ZNF527: variants seen among roughly 807,000 people sequenced by gnomAD.
ZNF527 encodes zinc finger protein 527.
In ZNF527, 5 loss-of-function variants were observed where a neutral mutation model predicts 13.5. The ratio of observed to expected loss-of-function variants is 0.37; its 90% CI spans 0.19 to 0.78. The LOEUF is 0.78. Ranked by LOEUF, ZNF527 falls within the 30% of genes least tolerant of loss-of-function variation. ZNF527 has a pLI of 0.48. For synonymous variants in ZNF527, 209 were observed against 243.1 expected (o/e 0.86, Z 1.30); for missense variants, 628 against 726.4 (o/e 0.86, Z 1.56).
chr19:37,374,028 G>T (rs202224938), intron 1 of ZNF527, 130 bp from the exon 2 acceptor site: 1 of 646,236 alleles, frequency 1.5e-6, no homozygotes, highest in Non-Finnish European at 2.7e-6. Context: ...CCGCCACCCT[G>T]GCCAGATCTT....
chr19:37,372,926 C>G (rs145621225), intron 1 of ZNF527, among the ~76,000 whole-genome samples: 136 of 152,308 alleles, frequency 8.9e-4, no homozygotes, highest in African/African-American at 3.0e-3. Flanking sequence ...CCTGCCATCT[C>G]TAAAGATGCC....
intron 4 of ZNF527, chr19:37,384,762 A>G (rs2040683997): frequency 3.8e-6 from 2 of 526,882 alleles, no homozygotes; most frequent in Non-Finnish European, 6.8e-6. Context: ...GTTTTAATTT[A>G]CTAGTGATAT....
chr19:37,377,536 G>A (rs770274813), intron 2 of ZNF527, among the ~76,000 whole-genome samples: 6 of 152,166 alleles, frequency 3.9e-5, no homozygotes, highest in Non-Finnish European at 7.3e-5. Context: ...AGTACTTTGT[G>A]TCAACATGTT....
rs1400585695 is a variant in ZNF527 at position 37,380,439 on chromosome 19, CTG to C, written c.256+69_256+70del. 4 of 1,336,558 alleles carry C rather than the reference CTG, an allele frequency of 3.0e-6. No individual in the cohort carries two copies. In the East Asian group the frequency reaches 9.4e-5, roughly 31 times the overall value. 82.8% of individuals were successfully genotyped at this position (1,336,558 alleles called of 1,614,324 possible). The stretch of plus-strand genomic sequence containing the variant: ...ACTCAACCAAGTAGTAAGTAGGAAA[CTG>C]TTTTGAGCTTCAGGTGGGATGAGAA... On this transcript the variant is annotated intron_variant, in intron 4 of 4. Coordinates refer to ENST00000436120, the MANE Select transcript of ZNF527 (RefSeq NM_032453.2).
chr19:37,385,969 T>C (rs1379889287), intron 4 of ZNF527, among the ~76,000 whole-genome samples: 1 of 152,034 alleles, frequency 6.6e-6, no homozygotes, highest in Non-Finnish European at 1.5e-5. Context: ...TTGAGATGTA[T>C]AAGATAGTTC....
intron 3 of ZNF527, 195 bp downstream of exon 3, chr19:37,379,441 T>G (rs2040634146): frequency 6.9e-6 from 3 of 431,842 alleles, no homozygotes; most frequent in Admixed American, 4.1e-5. Flanking sequence ...GCAGACATTC[T>G]GAACACATGA....
At chr19:37,377,609 A>G (rs763082327) in intron 2 of ZNF527, among the ~76,000 whole-genome samples, 3 of 152,194 alleles carry the variant, frequency 2.0e-5, no homozygotes, top group Non-Finnish European at 4.4e-5. Flanking sequence ...TTATCAGGAC[A>G]TAGAGAAACT....
Position 37,379,146 on chromosome 19 carries a change from G to A in ZNF527, c.60G>A (p.Ala20=), listed in dbSNP as rs751897425. ...SQGLVTFRDV[A]LDFSQEEWEW... ...GGTTGGTGACCTTCAGAGATGTGGC[G>A]CTAGACTTTTCCCAAGAAGAGTGGG... The change falls in exon 3 of 5, where the codon GCG becomes GCA. Residue 20 remains alanine, a synonymous_variant. Coordinates refer to ENST00000436120, the MANE Select transcript of ZNF527 (RefSeq NM_032453.2). 32 of 1,613,886 alleles carry A rather than the reference G, an allele frequency of 2.0e-5. No individual in the cohort carries two copies. The highest frequency in any genetic ancestry group is 4.5e-5 in the East Asian group (2 of 44,868).
intron 4 of ZNF527, chr19:37,385,014 C>T (rs1241349008): frequency 4.3e-6 from 3 of 699,032 alleles, no homozygotes; most frequent in Admixed American, 2.0e-5. Context: ...CTTGTAGAGA[C>T]GAGGTCTCAC....
At chr19:37,382,227 GA>G (rs2040659448) in intron 4 of ZNF527, among the ~76,000 whole-genome samples, 1 of 151,982 alleles carries the variant, frequency 6.6e-6, no homozygotes, top group Non-Finnish European at 1.5e-5. Context: ...AGGCTACTGG[GA>G]TATCACTCTT....
chr19:37,375,286 C>CT (rs773566095), intron 2 of ZNF527, among the ~76,000 whole-genome samples: 32 of 122,678 alleles, frequency 2.6e-4, no homozygotes, highest in South Asian at 2.7e-4. Flanking sequence ...TTCTTTCTTT[C>CT]TTTCTTTCTT....
chr19:37,388,090 T>C (rs532365222), intron 4 of ZNF527, among the ~76,000 whole-genome samples: 1 of 152,334 alleles, frequency 6.6e-6, no homozygotes, highest in South Asian at 2.1e-4. Flanking sequence ...ACCACCTCCC[T>C]ATCGTCAACA....
In ZNF527 at chr19:37,374,173, C is replaced by G; in HGVS notation, c.-26C>G. The G allele has an allele frequency of 6.2e-7, 1 of 1,612,508 alleles. No individual in the cohort carries two copies. The highest frequency in any genetic ancestry group is 8.5e-7 in the Non-Finnish European group (1 of 1,178,652). ...CCCTTCTCAGGACTTTGTTCTTCTTCAGAAGAGAAAACTGAAGAAGGAGGA... is the reference window on the plus strand; with the variant it reads ...CCCTTCTCAGGACTTTGTTCTTCTTGAGAAGAGAAAACTGAAGAAGGAGGA... On this transcript the variant is annotated 5_prime_UTR_variant, in exon 2 of 5. Coordinates refer to ENST00000436120, the MANE Select transcript of ZNF527 (RefSeq NM_032453.2).
intron 1 of ZNF527, among the ~76,000 whole-genome samples, 187 bp downstream of exon 1, chr19:37,371,413 TTG>T (rs1273141236): frequency 6.6e-6 from 1 of 151,708 alleles, no homozygotes; most frequent in African/African-American, 2.4e-5. Flanking sequence ...GTGTGTGTGT[TTG>T]TGCGCGTGCG....
intron 4 of ZNF527, among the ~76,000 whole-genome samples, chr19:37,387,873 T>C (rs1351017991): frequency 6.6e-6 from 1 of 152,142 alleles, no homozygotes; most frequent in Non-Finnish European, 1.5e-5. Flanking sequence ...TTGGATGCAA[T>C]AGTAGAAGAA....
chr19:37,380,193 C>T (rs572793099), intron 3 of ZNF527, 84 bp from the exon 4 acceptor site: 59 of 1,555,308 alleles, frequency 3.8e-5, no homozygotes, highest in Non-Finnish European at 4.5e-5. Flanking sequence ...ATTGGGTCTG[C>T]GTCCTAGACA....
intron 2 of ZNF527, among the ~76,000 whole-genome samples, chr19:37,377,682 T>G (rs2040619317): frequency 6.6e-6 from 1 of 152,170 alleles, no homozygotes; most frequent in Non-Finnish European, 1.5e-5. Context: ...ACCCTAGATC[T>G]TTGAATCCAG....
chr19:37,385,669 G>C, intron 4 of ZNF527: 1 of 251,118 alleles, frequency 4.0e-6, no homozygotes, highest in Non-Finnish European at 7.5e-6. Flanking sequence ...ATTAACCTGT[G>C]GTAAAAACAT....
At chr19:37,373,562 A>G (rs962131145) in intron 1 of ZNF527, among the ~76,000 whole-genome samples, 1 of 152,210 alleles carries the variant, frequency 6.6e-6, no homozygotes, top group African/African-American at 2.4e-5. Context: ...AAGAGAAACA[A>G]TAAAGAAACA....
Sources: allele counts gnomAD v4.1 joint callset (sites outside exome capture counted in the v4.1 genomes callset), GRCh38; gene constraint gnomAD v4.1.1; transcripts MANE v1.5; gene names NCBI Gene and HGNC (gene_info 2026-07-23, HGNC 2026-07-21).